Variants in DPP6 observed in about 807,000 individuals in gnomAD.
The protein encoded by DPP6 is dipeptidyl peptidase like 6.
In DPP6, 69 loss-of-function variants were observed where a neutral mutation model predicts 122.6. The observed-to-expected ratio is 0.56, with a 90% CI of 0.46 to 0.69. DPP6 has a LOEUF of 0.69. Among genes scored for constraint, DPP6 ranks in the 30% least tolerant of loss-of-function variants. The pLI is 0.00. For missense variants in DPP6, 928 were observed against 1,116.9 expected, an observed-to-expected ratio of 0.83 and a Z score of 2.41; for synonymous variants, 418 against 433.1, an observed-to-expected ratio of 0.97 and a Z score of 0.43.
Position 154,397,291 on chromosome 7 carries a change from T to G in DPP6, c.244-48923T>G, listed in dbSNP as rs578206742. 1.1e-4 allele frequency among the ~76,000 whole-genome samples: 16 copies of G among 152,134 alleles called. No individual in the cohort carries two copies. In the South Asian group the frequency reaches 3.1e-3, roughly 30 times the overall value. ...AGTATAAAGTGGCTTACCAGAATTA[T>G]AAAAAGACTGCACATGTTCAATTTT... On this transcript the variant is annotated intron_variant, in intron 1 of 25. Transcript: ENST00000377770.
intron 1 of DPP6, among the ~76,000 whole-genome samples, chr7:154,327,570 G>GA (rs1278555268): frequency 1.3e-5 from 2 of 151,864 alleles, no homozygotes; most frequent in East Asian, 1.9e-4. Flanking sequence ...TGTCTTAGAA[G>GA]AAAAAAATGA....
At chr7:154,053,411 T>C (rs2129063029) in intron 1 of DPP6, among the ~76,000 whole-genome samples, 2 of 152,072 alleles carry the variant, frequency 1.3e-5, no homozygotes, top group South Asian at 4.2e-4. Flanking sequence ...GAGAATTCGA[T>C]CGGCCTGTGC....
chr7:154,258,505 A>G (rs1211274516), intron 1 of DPP6, among the ~76,000 whole-genome samples: 1 of 152,168 alleles, frequency 6.6e-6, no homozygotes, highest in Non-Finnish European at 1.5e-5. Flanking sequence ...TGTGCATTTT[A>G]CCTATTAGTT....
chr7:154,405,172 A>G (rs1476436817), intron 1 of DPP6, among the ~76,000 whole-genome samples: 1 of 152,196 alleles, frequency 6.6e-6, no homozygotes, highest in African/African-American at 2.4e-5. Flanking sequence ...AGATGAAGAA[A>G]CTATGACTTG....
chr7:154,449,334 C>T (rs1170060212), intron 2 of DPP6, among the ~76,000 whole-genome samples: 2 of 152,184 alleles, frequency 1.3e-5, no homozygotes, highest in Non-Finnish European at 2.9e-5. Flanking sequence ...TGCTCAACAT[C>T]ATTCAGCCTC....
intron 5 of DPP6, among the ~76,000 whole-genome samples, chr7:154,623,333 G>C (rs546200352): frequency 2.0e-4 from 31 of 152,292 alleles, no homozygotes; most frequent in Admixed American, 1.9e-3. Flanking sequence ...CGCTGTGCTG[G>C]AAACAAACTA....
chr7:154,470,160 A>T (rs943629356), intron 2 of DPP6, among the ~76,000 whole-genome samples: 1 of 152,136 alleles, frequency 6.6e-6, no homozygotes, highest in African/African-American at 2.4e-5. Context: ...GCCCTCCATA[A>T]CCCTTGTCTC....
At chr7:154,154,679 G>A (rs1796591774) in intron 1 of DPP6, among the ~76,000 whole-genome samples, 1 of 152,222 alleles carries the variant, frequency 6.6e-6, no homozygotes, top group African/African-American at 2.4e-5. Flanking sequence ...CTAAGGTGAT[G>A]TGATCTATGT....
At chr7:154,505,707 C>T (rs6960904) in intron 3 of DPP6, among the ~76,000 whole-genome samples, 1 of 152,078 alleles carries the variant, frequency 6.6e-6, no homozygotes, top group African/African-American at 2.4e-5. Flanking sequence ...AAGTAAAATG[C>T]CTTTCTCATC....
the DPP6 span, among the ~76,000 whole-genome samples, chr7:153,835,999 G>T: frequency 6.6e-6 from 1 of 152,202 alleles, no homozygotes; most frequent in Non-Finnish European, 1.5e-5. Context: ...AGGAAGTAAA[G>T]CTGGTTTAGG....
chr7:154,257,279 T>G (rs915192542), intron 1 of DPP6, among the ~76,000 whole-genome samples: 2 of 152,068 alleles, frequency 1.3e-5, no homozygotes, highest in Non-Finnish European at 2.9e-5. Flanking sequence ...TCCTACCTGT[T>G]GTAATGAAAC....
rs1563460487 is a variant in DPP6, at chr7:154,313,715, A to ATATACG, written c.244-132499_244-132498insTATACG. Among the ~76,000 whole-genome samples, 314 of 35,790 alleles carry ATATACG rather than the reference A, an allele frequency of 8.8e-3. 47 individuals carry two copies. The East Asian group carries it at 0.13, about 15-fold the overall frequency. The allele number at this position is 35,790 out of a possible 152,430, so 23.5% of individuals were successfully genotyped here. On this transcript the variant is annotated intron_variant, in intron 1 of 25. Transcript: ENST00000377770. Reference sequence around the variant, plus strand: ...TATATATATATATATATATATATATACACACACACGCACGCACACACACAC... The same window carrying ATATACG: ...TATATATATATATATATATATATATATATACGCACACACACGCACGCACACACACAC...
At chr7:154,726,014 T>G (rs1380453756) in intron 7 of DPP6, among the ~76,000 whole-genome samples, 2 of 152,180 alleles carry the variant, frequency 1.3e-5, no homozygotes, top group Admixed American at 6.5e-5. Flanking sequence ...ATGACTCATA[T>G]CCAGTGCATG....
chr7:154,686,916 G>A (rs575906389), intron 7 of DPP6, among the ~76,000 whole-genome samples: 45 of 152,202 alleles, frequency 3.0e-4, no homozygotes, highest in Non-Finnish European at 5.1e-4. Flanking sequence ...CCCAGAGCTC[G>A]GACTCCAGGT....
rs1804568553 is a variant in DPP6 at position 154,282,295 on chromosome 7, G to A, written c.244-163919G>A. On this transcript the variant is annotated intron_variant, in intron 1 of 25. Coordinates refer to ENST00000377770, the MANE Select transcript of DPP6 (RefSeq NM_130797.4). This position sits in a 1 kb window ranked among gnomAD's most constrained non-coding sequence, Gnocchi z 4.8. ...TCCCTGTTGTACAATTCAATAGCCT[G>A]CATGCAGGGACATGCTTCTCAGGTG... 6.6e-6 allele frequency among the ~76,000 whole-genome samples: 1 copy of A among 152,258 alleles called. No individual in the cohort carries two copies. The highest frequency in any genetic ancestry group is 3.4e-3 in the Middle Eastern group (1 of 294).
At chr7:154,492,360 G>A (rs756168813) in intron 3 of DPP6, among the ~76,000 whole-genome samples, 20 of 152,104 alleles carry the variant, frequency 1.3e-4, no homozygotes, top group Non-Finnish European at 2.1e-4. Context: ...CCCAACAACT[G>A]CAACAGAAAG....
At chr7:154,644,156 G>A (rs1836295452) in intron 6 of DPP6, among the ~76,000 whole-genome samples, 1 of 152,176 alleles carries the variant, frequency 6.6e-6, no homozygotes, top group Non-Finnish European at 1.5e-5. Flanking sequence ...AGCAGAAGAG[G>A]AATGTGATGA....
chr7:153,807,364 C>T, the DPP6 span, among the ~76,000 whole-genome samples: 4 of 151,546 alleles, frequency 2.6e-5, no homozygotes, highest in East Asian at 1.9e-4. Flanking sequence ...GATCGTGCCA[C>T]AGCCGAGATC....
intron 4 of DPP6, among the ~76,000 whole-genome samples, chr7:154,558,192 T>C (rs1456437083): frequency 6.6e-6 from 1 of 151,938 alleles, no homozygotes; most frequent in African/African-American, 2.4e-5. Flanking sequence ...AGTAAGAACA[T>C]GTGGTGTTTG....
Sources: gnomAD v4.1 joint callset for allele counts (sites outside exome capture counted in the v4.1 genomes callset) on GRCh38, gnomAD v4.1.1 for gene constraint, Gnocchi (gnomAD v3.1) non-coding constraint, MANE v1.5 for transcripts, NCBI Gene and HGNC (gene_info 2026-07-23, HGNC 2026-07-21) for gene names.